The following SORCS2 variants were observed in gnomAD, a reference collection of about 807,000 sequenced individuals.
SORCS2 encodes sortilin related VPS10 domain containing receptor 2.
In SORCS2, 100 loss-of-function variants were observed where a neutral mutation model predicts 141.6. The ratio of observed to expected loss-of-function variants is 0.71; its 90% CI spans 0.60 to 0.83. The LOEUF is 0.83. Among genes scored for constraint, SORCS2 ranks in the 40% least tolerant of loss-of-function variants. The probability of loss-of-function intolerance (pLI) is 0.00; values close to 1 mark genes in which losing one functional copy is unlikely to be tolerated. For missense variants in SORCS2, 1,646 were observed against 1,560.2 expected (o/e 1.05, Z -0.93); for synonymous variants, 789 against 676.9 (o/e 1.17, Z -2.57).
At chr4:7,649,564 A>C (rs1380998670) in intron 4 of SORCS2, among the ~76,000 whole-genome samples, 2 of 152,080 alleles carry the variant, frequency 1.3e-5, no homozygotes, top group African/African-American at 4.8e-5. Flanking sequence ...CAGGGTACAC[A>C]GTTGCATCTG....
In SORCS2 at chr4:7,653,494, C is replaced by T. The variant is rs143300473; in HGVS notation, c.814-640C>T. 1.1e-3 allele frequency among the ~76,000 whole-genome samples: 167 copies of T among 152,314 alleles called. 1 individual carries two copies. The highest frequency in any genetic ancestry group is 3.3e-3 in the African/African-American group (139 of 41,578). Reference sequence around the variant, plus strand: ...CCAACCTCATGTGATCCGCCCGCCTCGACCTCCCAAGGTGCTGGGATTACA... The same window carrying T: ...CCAACCTCATGTGATCCGCCCGCCTTGACCTCCCAAGGTGCTGGGATTACA... On this transcript the variant is annotated intron_variant, in intron 4 of 26. Coordinates refer to ENST00000507866, the MANE Select transcript of SORCS2 (RefSeq NM_020777.3).
At chr4:7,342,021 G>A (rs1258384807) in intron 1 of SORCS2, among the ~76,000 whole-genome samples, 1 of 152,224 alleles carries the variant, frequency 6.6e-6, no homozygotes, top group African/African-American at 2.4e-5. Flanking sequence ...CATACCATGT[G>A]TCAATACCCC....
At chr4:7,282,050 C>A (rs1194443228) in intron 1 of SORCS2, among the ~76,000 whole-genome samples, 6 of 152,108 alleles carry the variant, frequency 3.9e-5, no homozygotes, top group Non-Finnish European at 8.8e-5. Flanking sequence ...TCACTTTGGC[C>A]CCCACCGCAC....
chr4:7,436,967 C>A (rs1257753154), intron 2 of SORCS2, among the ~76,000 whole-genome samples: 1 of 152,216 alleles, frequency 6.6e-6, no homozygotes, highest in Non-Finnish European at 1.5e-5. Context: ...CCACTCCCCT[C>A]AGCAGCATTT....
intron 1 of SORCS2, among the ~76,000 whole-genome samples, chr4:7,333,166 C>T (rs1165651173): frequency 6.6e-6 from 1 of 152,234 alleles, no homozygotes; most frequent in Non-Finnish European, 1.5e-5. Flanking sequence ...TCTGACCCCA[C>T]CCCACTAGGG....
intron 2 of SORCS2, among the ~76,000 whole-genome samples, chr4:7,451,386 A>G (rs1728457090): frequency 6.6e-6 from 1 of 152,246 alleles, no homozygotes; most frequent in Non-Finnish European, 1.5e-5. Flanking sequence ...TCAGTTTCCC[A>G]TCAAGGGATG....
chr4:7,701,838 C>T (rs966186202), intron 12 of SORCS2, among the ~76,000 whole-genome samples: 17 of 152,288 alleles, frequency 1.1e-4, no homozygotes, highest in African/African-American at 3.4e-4. Flanking sequence ...CTCTTTCCAG[C>T]GTCCCCATGA....
Position 7,667,195 on chromosome 4 carries a change from G to A in SORCS2, c.1143G>A (p.Pro381=), listed in dbSNP as rs142723320. The part of the protein sequence containing the change: ...RRNEFVLMKL[P]KYALPKDLQI... The stretch of plus-strand genomic sequence containing the variant: ...ATGAATTTGTCCTGATGAAGCTGCC[G>A]AAGTATGCATTGCCAAAGGTAAGGT... Residue 381 remains proline, a synonymous_variant, in exon 8 of 27, where the codon CCG becomes CCA. Transcript: ENST00000507866. 283 of 1,613,804 alleles carry A rather than the reference G, an allele frequency of 1.8e-4. 1 individual carries two copies. In the African/African-American group the frequency reaches 2.5e-3, roughly 14 times the overall value.
rs1185553646 is a variant in SORCS2 at position 7,741,610 on chromosome 4, A to G, written c.*1346A>G. On this transcript the variant is annotated 3_prime_UTR_variant, in exon 27 of 27. Transcript: ENST00000507866. ...GCTGGTGATGTGCTGGCTGGGGGTGAATCCCAATGAGGGTCCCTCTCAGAG... is the reference window on the plus strand; with the variant it reads ...GCTGGTGATGTGCTGGCTGGGGGTGGATCCCAATGAGGGTCCCTCTCAGAG... 2.5e-5 allele frequency: 5 copies of G among 198,806 alleles called. No individual in the cohort carries two copies. Among genetic ancestry groups the G allele is most frequent in the Non-Finnish European group, 5.0e-5 (5 of 99,868 alleles). The allele number at this position is 198,806 out of a possible 1,614,324, so 12.3% of individuals were successfully genotyped here.
At chr4:7,541,293 G>A (rs1247022527) in intron 3 of SORCS2, among the ~76,000 whole-genome samples, 1 of 152,216 alleles carries the variant, frequency 6.6e-6, no homozygotes, top group South Asian at 2.1e-4. Flanking sequence ...CTCAAGCTCA[G>A]GGTGCCTCGT....
chr4:7,316,223 C>CATCCATCA (rs1257911137), intron 1 of SORCS2, among the ~76,000 whole-genome samples: 5 of 151,790 alleles, frequency 3.3e-5, no homozygotes, highest in Non-Finnish European at 7.4e-5. Context: ...TCCATCCATC[C>CATCCATCA]ATCCATCCAT....
chr4:7,196,227 G>A (rs955645550), intron 1 of SORCS2, among the ~76,000 whole-genome samples: 3 of 152,188 alleles, frequency 2.0e-5, no homozygotes, highest in Non-Finnish European at 4.4e-5. Flanking sequence ...AAACCAAGAG[G>A]TATTGCGTTT....
At chr4:7,512,802 G>T (rs147177798) in intron 2 of SORCS2, among the ~76,000 whole-genome samples, 1 of 152,210 alleles carries the variant, frequency 6.6e-6, no homozygotes, top group Non-Finnish European at 1.5e-5. Flanking sequence ...ACCCCCACCA[G>T]TGGACACATG....
At chr4:7,614,667 C>T (rs1389074692) in intron 3 of SORCS2, among the ~76,000 whole-genome samples, 1 of 148,740 alleles carries the variant, frequency 6.7e-6, no homozygotes, top group East Asian at 2.1e-4. Flanking sequence ...CCATCCACCA[C>T]CCACCCATCA....
At chr4:7,396,838 G>C (rs1724246450) in intron 2 of SORCS2, among the ~76,000 whole-genome samples, 2 of 152,208 alleles carry the variant, frequency 1.3e-5, no homozygotes, top group South Asian at 4.1e-4. Context: ...CTCTTTATGT[G>C]TGAAATGTGA....
chr4:7,488,872 C>T (rs1028255512), intron 2 of SORCS2, among the ~76,000 whole-genome samples: 2 of 152,246 alleles, frequency 1.3e-5, no homozygotes, highest in Non-Finnish European at 2.9e-5. Context: ...GCCTGGTTTA[C>T]ATGCTTAAAC....
intron 25 of SORCS2, 49 bp from the exon 26 acceptor site, chr4:7,737,020 G>A (rs1296687423): frequency 1.7e-5 from 27 of 1,546,914 alleles, no homozygotes; most frequent in African/African-American, 4.1e-5. Flanking sequence ...AGGGACAGGC[G>A]GCCTGGGAAG....
intron 3 of SORCS2, among the ~76,000 whole-genome samples, chr4:7,581,823 T>C (rs1716177348): frequency 6.6e-6 from 1 of 152,236 alleles, no homozygotes; most frequent in African/African-American, 2.4e-5. Flanking sequence ...TGCTTGCTCA[T>C]TAGAGACAAC....
At chr4:7,621,111 C>A (rs1719138609) in intron 3 of SORCS2, among the ~76,000 whole-genome samples, 1 of 152,166 alleles carries the variant, frequency 6.6e-6, no homozygotes, top group African/African-American at 2.4e-5. Context: ...TCAGGCACCT[C>A]CCCTGCTGGG....
Sources: gnomAD v4.1 joint callset for allele counts (sites outside exome capture counted in the v4.1 genomes callset) on GRCh38, gnomAD v4.1.1 for gene constraint, MANE v1.5 for transcripts, NCBI Gene and HGNC (gene_info 2026-07-23, HGNC 2026-07-21) for gene names.